Variants in GALNT13 observed in about 807,000 individuals in gnomAD.
GALNT13 encodes the protein UDP-GalNAc:polypeptide N-acetylgalactosaminyltransferase 13.
Under a neutral mutation model 64.2 loss-of-function variants are expected in GALNT13, and 28 were observed. That is an observed-to-expected ratio of 0.44 (90% CI 0.32 to 0.60). GALNT13 has a LOEUF of 0.60. GALNT13 is among the 20% of genes least tolerant of loss of function. The pLI is 0.05. For missense variants in GALNT13, 577 were observed against 669.8 expected (o/e 0.86, Z 1.53); for synonymous variants, 214 against 224.6 (o/e 0.95, Z 0.42).
chr2:153,806,151 C>T, the GALNT13 span, among the ~76,000 whole-genome samples: 4 of 151,942 alleles, frequency 2.6e-5, no homozygotes, highest in Admixed American at 1.3e-4. Context: ...GATGTATCTG[C>T]GGCAGCAAAT....
chr2:154,421,383 TGTTTTA>T (rs995210606), intron 11 of GALNT13, among the ~76,000 whole-genome samples: 1 of 152,054 alleles, frequency 6.6e-6, no homozygotes, highest in Non-Finnish European at 1.5e-5. Flanking sequence ...TAAAACACAA[TGTTTTA>T]GATATGTCAT....
chr2:153,823,365 T>C, the GALNT13 span, among the ~76,000 whole-genome samples: 7 of 152,134 alleles, frequency 4.6e-5, no homozygotes, highest in Non-Finnish European at 8.8e-5. Flanking sequence ...ATTATCAAAC[T>C]TCAAGCTATG....
the GALNT13 span, among the ~76,000 whole-genome samples, chr2:153,098,161 T>A: frequency 1.3e-5 from 2 of 152,174 alleles, no homozygotes; most frequent in African/African-American, 2.4e-5. Context: ...AAATATATAT[T>A]TAATGCTCAC....
chr2:153,188,398 G>T, the GALNT13 span, among the ~76,000 whole-genome samples: 3 of 131,400 alleles, frequency 2.3e-5, no homozygotes, highest in African/African-American at 5.4e-5. Context: ...AATAATAATG[G>T]CATGAAACCA....
At chr2:154,030,211 G>A (rs68169362) in intron 3 of GALNT13, among the ~76,000 whole-genome samples, 8,003 of 152,072 alleles carry the variant, frequency 0.053, 285 homozygotes, top group South Asian at 0.11. Context: ...CTCAGAGAAC[G>A]ATACACACAT....
At chr2:154,157,930 T>G (rs541373627) in intron 4 of GALNT13, among the ~76,000 whole-genome samples, 1 of 152,308 alleles carries the variant, frequency 6.6e-6, no homozygotes, top group South Asian at 2.1e-4. Context: ...CCTACTTTTC[T>G]GGTGATTCCT....
intron 12 of GALNT13, chr2:154,446,483 A>G (rs1654986952): frequency 2.2e-6 from 3 of 1,333,564 alleles, no homozygotes; most frequent in South Asian, 1.8e-5. Context: ...TATCCAGTAG[A>G]AATTGCATGT....
the GALNT13 span, among the ~76,000 whole-genome samples, chr2:153,207,855 T>G: frequency 0.018 from 2,729 of 152,246 alleles, 85 homozygotes; most frequent in African/African-American, 0.062. Context: ...AAAACGCTGT[T>G]AAATAAGAGT....
At chr2:153,400,097 C>A in the GALNT13 span, among the ~76,000 whole-genome samples, 1 of 151,824 alleles carries the variant, frequency 6.6e-6, no homozygotes, top group African/African-American at 2.4e-5. Flanking sequence ...GAAATACGTC[C>A]CATCAATACC....
chr2:153,403,661 A>C, the GALNT13 span, among the ~76,000 whole-genome samples: 1 of 152,136 alleles, frequency 6.6e-6, no homozygotes, highest in Admixed American at 6.5e-5. Flanking sequence ...TCGGAAAAGC[A>C]CAGTATTCGG....
the GALNT13 span, among the ~76,000 whole-genome samples, chr2:153,136,256 G>A: frequency 6.6e-6 from 1 of 152,188 alleles, no homozygotes; most frequent in Non-Finnish European, 1.5e-5. Flanking sequence ...ACACAGGCAG[G>A]AATCATAAGC....
At chr2:153,302,583 A>G in the GALNT13 span, among the ~76,000 whole-genome samples, 1 of 151,994 alleles carries the variant, frequency 6.6e-6, no homozygotes, top group African/African-American at 2.4e-5. Context: ...ATGTAATCCC[A>G]TTTGTCTATT....
chr2:154,364,871 A>G (rs1353897585), intron 9 of GALNT13, among the ~76,000 whole-genome samples: 2 of 152,166 alleles, frequency 1.3e-5, no homozygotes, highest in Non-Finnish European at 2.9e-5. Context: ...GGGTTTTGCC[A>G]TGTTGGCTAA....
chr2:154,085,910 TAAAATA>T (rs1474338618), intron 3 of GALNT13, among the ~76,000 whole-genome samples: 1 of 140,512 alleles, frequency 7.1e-6, no homozygotes, highest in African/African-American at 2.5e-5. Flanking sequence ...CAGAAAAAAT[TAAAATA>T]AAAAATAAAC....
chr2:153,549,810 T>C, the GALNT13 span, among the ~76,000 whole-genome samples: 1 of 151,444 alleles, frequency 6.6e-6, no homozygotes, highest in Non-Finnish European at 1.5e-5. Flanking sequence ...CTTAGTGGGA[T>C]TTTGCTGATG....
At chr2:153,923,184 G>A (rs1574123478) in intron 2 of GALNT13, among the ~76,000 whole-genome samples, 1 of 152,164 alleles carries the variant, frequency 6.6e-6, no homozygotes, top group Non-Finnish European at 1.5e-5. Context: ...ACAGGCATGA[G>A]CCACTGTGCC....
intron 9 of GALNT13, among the ~76,000 whole-genome samples, chr2:154,333,341 A>C (rs187611114): frequency 4.1e-4 from 63 of 152,262 alleles, no homozygotes; most frequent in Non-Finnish European, 6.9e-4. Flanking sequence ...TTATAAAAGA[A>C]ATATGAATTA....
intron 9 of GALNT13, among the ~76,000 whole-genome samples, chr2:154,326,966 A>T (rs879848043): frequency 6.6e-6 from 1 of 152,008 alleles, no homozygotes; most frequent in Non-Finnish European, 1.5e-5. Flanking sequence ...TTTCTGCTGG[A>T]TTATTTCTTA....
chr2:153,798,307 T>C, the GALNT13 span, among the ~76,000 whole-genome samples: 34 of 152,202 alleles, frequency 2.2e-4, no homozygotes, highest in Admixed American at 6.5e-5. Context: ...CAATTAAATA[T>C]TTGAACAATT....
Sources: allele counts gnomAD v4.1 joint callset (sites outside exome capture counted in the v4.1 genomes callset), GRCh38; gene constraint gnomAD v4.1.1; transcripts MANE v1.5; gene names NCBI Gene and HGNC (gene_info 2026-07-23, HGNC 2026-07-21).